The following DGKB variants were observed in gnomAD, a reference collection of about 807,000 sequenced individuals.
The protein encoded by DGKB is 90 kDa diacylglycerol kinase.
Under a neutral mutation model 114.3 loss-of-function variants are expected in DGKB, and 67 were observed. The observed-to-expected ratio is 0.59, with a 90% CI of 0.48 to 0.72. The LOEUF is 0.72. Among genes scored for constraint, DGKB ranks in the 30% least tolerant of loss-of-function variants. DGKB has a pLI of 0.00. For synonymous variants in DGKB, 398 were observed against 323.1 expected, an observed-to-expected ratio of 1.23 and a Z score of -2.49; for missense variants, 907 against 975.2, an observed-to-expected ratio of 0.93 and a Z score of 0.93.
At chr7:14,154,837 A>C (rs1197872224) in intron 25 of DGKB, among the ~76,000 whole-genome samples, 1 of 146,480 alleles carries the variant, frequency 6.8e-6, no homozygotes, top group Non-Finnish European at 1.5e-5. Flanking sequence ...TTGCAAGTCT[A>C]TACATTCTGC....
At chr7:14,455,727 T>G (rs1472277418) in intron 21 of DGKB, among the ~76,000 whole-genome samples, 2 of 152,060 alleles carry the variant, frequency 1.3e-5, no homozygotes, top group Non-Finnish European at 2.9e-5. Context: ...GCACTGAACA[T>G]TCTTCAACTT....
intron 17 of DGKB, among the ~76,000 whole-genome samples, chr7:14,586,033 T>TAAGTGTTC (rs1800706786): frequency 6.6e-6 from 1 of 152,068 alleles, no homozygotes; most frequent in Admixed American, 6.6e-5. Context: ...CAATGTCCTC[T>TAAGTGTTC]AAGTGTTCAA....
chr7:14,554,549 G>C (rs1042176836), intron 20 of DGKB, among the ~76,000 whole-genome samples: 2 of 151,666 alleles, frequency 1.3e-5, no homozygotes, highest in South Asian at 4.2e-4. Flanking sequence ...TGGATCAAAG[G>C]GTATGCACAT....
In DGKB at chr7:14,590,024, G is replaced by A. The variant is rs1189364; in HGVS notation, c.1434-6887C>T. Among the ~76,000 whole-genome samples the A allele has an allele frequency of 7.0e-5, 10 of 143,046 alleles. No homozygotes were observed. The East Asian group carries it at 1.5e-3, about 21-fold the overall frequency. The allele number at this position is 143,046 out of a possible 152,430, so 93.8% of individuals were successfully genotyped here. ...AAACCTAAATGTCGGGTCGGGGGAG[G>A]GGGGAGGGATAGCACTGGGAGATAT... On this transcript the variant is annotated intron_variant, in intron 17 of 25. Coordinates refer to ENST00000402815, the MANE Select transcript of DGKB (RefSeq NM_001350709.2).
intron 23 of DGKB, among the ~76,000 whole-genome samples, chr7:14,215,970 C>T (rs2128314720): frequency 6.6e-6 from 1 of 152,008 alleles, no homozygotes; most frequent in Non-Finnish European, 1.5e-5. Flanking sequence ...TTTTCAGATT[C>T]ATTCACAAAC....
At chr7:14,486,475 C>T (rs10499442) in intron 20 of DGKB, among the ~76,000 whole-genome samples, 64,493 of 151,886 alleles carry the variant, frequency 0.42, 14,360 homozygotes, top group East Asian at 0.74. Context: ...ATAGAGAAAA[C>T]GGCCTTGGGA....
chr7:14,782,953 C>A (rs1440290560), intron 2 of DGKB, among the ~76,000 whole-genome samples: 2 of 152,226 alleles, frequency 1.3e-5, no homozygotes, highest in Non-Finnish European at 2.9e-5. Flanking sequence ...CAGCCTCAGC[C>A]TCCCAAGTCA....
chr7:14,783,021 T>A (rs1222157165), intron 2 of DGKB, among the ~76,000 whole-genome samples: 1 of 152,128 alleles, frequency 6.6e-6, no homozygotes, highest in Non-Finnish European at 1.5e-5. Context: ...GAACATATTA[T>A]TTTATACTAT....
chr7:14,872,168 T>G (rs550440877), intron 1 of DGKB, among the ~76,000 whole-genome samples: 1 of 152,208 alleles, frequency 6.6e-6, no homozygotes, highest in Non-Finnish European at 1.5e-5. Flanking sequence ...TATATTAATC[T>G]GTTCATATTT....
At chr7:14,271,325 A>G (rs1397965405) in intron 23 of DGKB, among the ~76,000 whole-genome samples, 1 of 152,164 alleles carries the variant, frequency 6.6e-6, no homozygotes, top group Non-Finnish European at 1.5e-5. Flanking sequence ...GTCTTTGAAC[A>G]TCCAAGGCCT....
chr7:14,547,785 T>C (rs1380225124), intron 20 of DGKB, among the ~76,000 whole-genome samples: 3 of 152,270 alleles, frequency 2.0e-5, no homozygotes, highest in Non-Finnish European at 2.9e-5. Flanking sequence ...CTATGGAACA[T>C]TGAGAAAGTT....
At chr7:14,552,660 G>T (rs1206516545) in intron 20 of DGKB, among the ~76,000 whole-genome samples, 3 of 152,126 alleles carry the variant, frequency 2.0e-5, no homozygotes, top group Non-Finnish European at 2.9e-5. Context: ...TAAAATAATT[G>T]TTTTCCGGGG....
chr7:14,892,241 G>A (rs1781357148), intron 1 of DGKB, among the ~76,000 whole-genome samples: 1 of 151,272 alleles, frequency 6.6e-6, no homozygotes, highest in African/African-American at 2.4e-5. Flanking sequence ...GATCCAGAAT[G>A]GAGGCAATGC....
intron 1 of DGKB, among the ~76,000 whole-genome samples, chr7:14,942,123 T>C: frequency 6.6e-6 from 1 of 151,992 alleles, no homozygotes; most frequent in East Asian, 1.9e-4. Context: ...AAAACTTTTT[T>C]TTTTTAGATT....
chr7:14,334,722 A>G (rs2128565473), intron 23 of DGKB, among the ~76,000 whole-genome samples: 1 of 152,260 alleles, frequency 6.6e-6, no homozygotes, highest in Admixed American at 6.5e-5. Context: ...TTTCATCTGC[A>G]ATCAGTCATT....
chr7:14,784,617 T>C (rs190260463), intron 2 of DGKB, among the ~76,000 whole-genome samples: 68 of 152,328 alleles, frequency 4.5e-4, no homozygotes, highest in African/African-American at 1.6e-3. Context: ...CCTCAAGCAA[T>C]CTGCCCACCT....
At chr7:14,437,044 G>T (rs964502390) in intron 21 of DGKB, among the ~76,000 whole-genome samples, 63 of 151,898 alleles carry the variant, frequency 4.1e-4, no homozygotes, top group African/African-American at 1.5e-3. Context: ...GTTTCTTTCT[G>T]CTTATTTATG....
At chr7:14,165,771 A>G (rs1399986985) in intron 25 of DGKB, among the ~76,000 whole-genome samples, 1 of 152,166 alleles carries the variant, frequency 6.6e-6, no homozygotes, top group East Asian at 1.9e-4. Flanking sequence ...CTCTTCTTAC[A>G]ATGGTTTATG....
intron 1 of DGKB, among the ~76,000 whole-genome samples, chr7:14,900,558 G>A (rs1562852834): frequency 6.6e-6 from 1 of 152,046 alleles, no homozygotes; most frequent in African/African-American, 2.4e-5. Flanking sequence ...TGGCTTGTCT[G>A]ACTACAACTC....
Sources: allele counts gnomAD v4.1 joint callset (sites outside exome capture counted in the v4.1 genomes callset), GRCh38; gene constraint gnomAD v4.1.1; transcripts MANE v1.5; gene names NCBI Gene and HGNC (gene_info 2026-07-23, HGNC 2026-07-21).